Variants in SYNPO2 observed in about 807,000 individuals in gnomAD.
SYNPO2 encodes the protein synaptopodin 2.
A neutral mutation model predicts 85.0 loss-of-function variants in SYNPO2; 56 were observed. That is an observed-to-expected ratio of 0.66 (90% confidence interval 0.53 to 0.82). SYNPO2 has a LOEUF of 0.82. Among genes scored for constraint, SYNPO2 ranks in the 40% least tolerant of loss-of-function variants. The pLI is 0.00. For synonymous variants in SYNPO2, 602 were observed against 591.1 expected, an observed-to-expected ratio of 1.02 and a Z score of -0.27; for missense variants, 1,575 against 1,534.2, an observed-to-expected ratio of 1.03 and a Z score of -0.44.
At chr4:118,955,644 T>C (rs1381216528) in intron 1 of SYNPO2, among the ~76,000 whole-genome samples, 1 of 152,020 alleles carries the variant, frequency 6.6e-6, no homozygotes, top group Non-Finnish European at 1.5e-5. Context: ...TTATAGGAGA[T>C]AGTGGGAAGG....
chr4:118,961,109 C>CT (rs1553941441), intron 1 of SYNPO2, among the ~76,000 whole-genome samples: 2 of 121,254 alleles, frequency 1.6e-5, no homozygotes, highest in Non-Finnish European at 3.4e-5. Flanking sequence ...GCCCCCCCCC[C>CT]ACCCCTCCAG....
chr4:119,038,594 A>G, intron 4 of SYNPO2: 1 of 979,156 alleles, frequency 1.0e-6, no homozygotes, highest in Non-Finnish European at 1.2e-6. Flanking sequence ...GTAGTGAATC[A>G]GCACCTAGCA....
chr4:118,933,023 G>C (rs947554078), intron 1 of SYNPO2, among the ~76,000 whole-genome samples: 83 of 151,796 alleles, frequency 5.5e-4, no homozygotes, highest in Non-Finnish European at 6.8e-4. Context: ...CTAAGAAAAA[G>C]GCCATAAAAA....
chr4:118,896,635 T>C (rs1025049046), intron 1 of SYNPO2, among the ~76,000 whole-genome samples: 8 of 152,232 alleles, frequency 5.3e-5, no homozygotes, highest in African/African-American at 1.9e-4. Context: ...CTAAATCGTC[T>C]ATCATTCTTT....
At position 118,877,811 on chromosome 4, in the gene SYNPO2, A is replaced by C. The variant is rs1469822971; in HGVS notation, c.12+26871A>C. ...AAGCAGGGTGGCAATGCCTCAAAAA[A>C]CTTAAAACAGAATTACCATTCAGCT... On this transcript the variant is annotated intron_variant, in intron 1 of 4. Coordinates refer to the SYNPO2 transcript ENST00000610556. 7.2e-5 allele frequency among the ~76,000 whole-genome samples: 11 copies of C among 152,184 alleles called. No individual in the cohort carries two copies. In the South Asian group the frequency reaches 1.5e-3, roughly 20 times the overall value.
chr4:118,940,692 A>G (rs1231325283), intron 1 of SYNPO2, among the ~76,000 whole-genome samples: 3 of 152,080 alleles, frequency 2.0e-5, no homozygotes, highest in Non-Finnish European at 4.4e-5. Flanking sequence ...AAAAGAAGCA[A>G]TGCTTGGGGC....
intron 1 of SYNPO2, among the ~76,000 whole-genome samples, chr4:118,962,920 A>G (rs539512318): frequency 2.6e-5 from 4 of 152,228 alleles, no homozygotes; most frequent in African/African-American, 9.7e-5. Flanking sequence ...GCTGAAGACC[A>G]GGTGGAATTG....
intron 1 of SYNPO2, among the ~76,000 whole-genome samples, chr4:118,976,833 G>C (rs535350802): frequency 6.6e-6 from 1 of 152,164 alleles, no homozygotes; most frequent in African/African-American, 2.4e-5. Context: ...GGTTCTCCAC[G>C]TCCTCACCAG....
intron 1 of SYNPO2, among the ~76,000 whole-genome samples, chr4:118,969,103 G>A (rs939357682): frequency 1.3e-5 from 2 of 152,016 alleles, no homozygotes; most frequent in African/African-American, 2.4e-5. Flanking sequence ...AACCTCAAGG[G>A]GCCCTTGCAG....
intron 1 of SYNPO2, among the ~76,000 whole-genome samples, chr4:119,010,856 A>G (rs1229479805): frequency 1.3e-5 from 2 of 152,224 alleles, no homozygotes; most frequent in Admixed American, 6.5e-5. Context: ...CAAATCTTTA[A>G]GCTACAACTC....
intron 1 of SYNPO2, among the ~76,000 whole-genome samples, chr4:118,977,533 C>G (rs1174787329): frequency 6.6e-6 from 1 of 152,244 alleles, no homozygotes; most frequent in Non-Finnish European, 1.5e-5. Context: ...CAAATGCCAC[C>G]AAAGTGGGAG....
chr4:119,039,195 A>T (rs1222470410), intron 4 of SYNPO2, among the ~76,000 whole-genome samples: 1 of 152,168 alleles, frequency 6.6e-6, no homozygotes, highest in Non-Finnish European at 1.5e-5. Flanking sequence ...AGGTACTATT[A>T]TCATCCCACT....
rs979611619 is a variant in SYNPO2, at chr4:118,932,658, G to A, written c.105+43517G>A. Among the ~76,000 whole-genome samples, 91 of 152,214 alleles carry A rather than the reference G, an allele frequency of 6.0e-4. 1 individual carries two copies. The highest frequency in any genetic ancestry group is 2.1e-3 in the African/African-American group (87 of 41,548). ...TTCGGCAGAAAATGGTTTTCTCTAC[G>A]TCAATATTAAGTTGAAACATAAGAA... On this transcript the variant is annotated intron_variant, in intron 1 of 4. Transcript: ENST00000307142.
At chr4:118,885,535 C>T (rs184018574), upstream of SYNPO2, among the ~76,000 whole-genome samples, 586 of 148,816 alleles carry the variant, frequency 3.9e-3, 5 homozygotes, top group African/African-American at 0.013. Flanking sequence ...TGCAGTGGTA[C>T]GGTCTCGGCT....
At chr4:118,994,132 C>G (rs540949070) in intron 1 of SYNPO2, among the ~76,000 whole-genome samples, 11 of 152,382 alleles carry the variant, frequency 7.2e-5, no homozygotes, top group African/African-American at 2.6e-4. Flanking sequence ...ATTTCTTTCT[C>G]CAACGTGTGG....
At chr4:118,939,162 G>A (rs1013156274) in intron 1 of SYNPO2, among the ~76,000 whole-genome samples, 1 of 152,218 alleles carries the variant, frequency 6.6e-6, no homozygotes, top group Admixed American at 6.5e-5. Context: ...AGAAGTTTGT[G>A]TGTGCACAGT....
chr4:119,031,465 C>G lies in SYNPO2; in HGVS notation c.2690C>G (p.Ala897Gly), dbSNP rs201732506. The G allele has an allele frequency of 6.9e-5, 111 of 1,614,010 alleles. No individual in the cohort carries two copies. Among genetic ancestry groups the G allele is most frequent in the Admixed American group, 1.8e-4 (11 of 60,008 alleles). ...VVDSDTVQAH[A>G]ARAQSPTPSL... ...GATTCAGACACGGTGCAGGCCCACG[C>G]TGCTCGAGCTCAGTCTCCCACTCCA... The change falls in exon 4 of 5, where the codon GCT (alanine) becomes GGT (glycine). Residue 897 changes from alanine to glycine, a missense_variant. This residue lies in a region of SYNPO2 where 1,508 missense variants were observed against 1,446.8 expected (regional missense o/e 1.04). Coordinates refer to ENST00000307142, the MANE Select transcript of SYNPO2 (RefSeq NM_133477.3).
intron 1 of SYNPO2, among the ~76,000 whole-genome samples, chr4:118,879,769 C>T (rs780723917): frequency 2.0e-5 from 3 of 152,178 alleles, no homozygotes; most frequent in Non-Finnish European, 4.4e-5. Context: ...TGTCCGTGGT[C>T]TTGGCCAGCA....
intron 1 of SYNPO2, among the ~76,000 whole-genome samples, chr4:119,012,188 T>G (rs1276155251): frequency 3.3e-5 from 5 of 151,816 alleles, no homozygotes; most frequent in Non-Finnish European, 5.9e-5. Flanking sequence ...CTCCCAAAGT[T>G]CTGGGATTAT....
Sources: allele counts gnomAD v4.1 joint callset (sites outside exome capture counted in the v4.1 genomes callset), GRCh38; gene constraint gnomAD v4.1.1; regional missense constraint gnomAD v4.1.1; transcripts MANE v1.5; gene names NCBI Gene and HGNC (gene_info 2026-07-23, HGNC 2026-07-21).